RPS6KA6: variants seen among roughly 807,000 people sequenced by gnomAD.
The protein encoded by RPS6KA6 is ribosomal protein S6 kinase A6, also known as ribosomal protein S6 kinase alpha-6.
Under a neutral mutation model 65.4 loss-of-function variants are expected in RPS6KA6, and 27 were observed. That is an observed-to-expected ratio of 0.41 (90% CI 0.30 to 0.57). The LOEUF (loss-of-function observed/expected upper bound fraction) is 0.57, where lower values mean the gene tolerates loss of function less well. Among genes scored for constraint, RPS6KA6 ranks in the 20% least tolerant of loss-of-function variants. The probability of loss-of-function intolerance (pLI) is 0.24; values close to 1 mark genes in which losing one functional copy is unlikely to be tolerated. For missense variants in RPS6KA6, 486 were observed against 555.6 expected, an observed-to-expected ratio of 0.87 and a Z score of 1.26; for synonymous variants, 190 against 184.2, an observed-to-expected ratio of 1.03 and a Z score of -0.26.
intron 20 of RPS6KA6, among the ~76,000 whole-genome samples, chrX:84,075,692 G>A (rs996530773): frequency 1.2e-4 from 13 of 110,090 alleles, no homozygotes; most frequent in Non-Finnish European, 2.5e-4. Context: ...CAGATTTCCT[G>A]TCAGAAAAAA....
intron 1 of RPS6KA6, among the ~76,000 whole-genome samples, chrX:84,185,431 C>T (rs1317567166): frequency 1.8e-5 from 2 of 111,672 alleles, no homozygotes; most frequent in Non-Finnish European, 3.8e-5. Context: ...TTATACCTCG[C>T]TATTATGTAC....
At chrX:84,162,166 A>T (rs1444916816) in intron 2 of RPS6KA6, among the ~76,000 whole-genome samples, 1 of 110,502 alleles carries the variant, frequency 9.0e-6, no homozygotes, top group Non-Finnish European at 1.9e-5. Context: ...TTTATCAGCA[A>T]CCTGTTACCT....
intron 18 of RPS6KA6, among the ~76,000 whole-genome samples, chrX:84,099,347 C>A (rs568221968): frequency 9.0e-6 from 1 of 111,032 alleles, no homozygotes; most frequent in South Asian, 3.7e-4. Flanking sequence ...CAAGGCAGAG[C>A]GGTAGGATGA....
In RPS6KA6 at chrX:84,156,211, C is replaced by CT; in HGVS notation, c.142-21_142-20insA. On this transcript the variant is annotated intron_variant, in intron 2 of 21. Coordinates refer to ENST00000262752, the MANE Select transcript of RPS6KA6 (RefSeq NM_014496.5). ...TTCATCCTGTAAAAAGAAATCCAAA[C>CT]AATACTTGAATCCATTTTCAACATC... 1 of 867,113 alleles carries CT rather than the reference C, an allele frequency of 1.2e-6. No homozygotes were observed. The highest frequency in any genetic ancestry group is 1.7e-6 in the Non-Finnish European group (1 of 588,540). 71.5% of individuals were successfully genotyped at this position (867,113 alleles called of 1,213,427 possible).
At chrX:84,167,206 C>T (rs2035610867) in intron 1 of RPS6KA6, among the ~76,000 whole-genome samples, 1 of 111,879 alleles carries the variant, frequency 8.9e-6, no homozygotes, top group Non-Finnish European at 1.9e-5. Flanking sequence ...AAACAGAGAA[C>T]ATTAACCCGA....
At chrX:84,105,752 T>C (rs1442798088) in intron 16 of RPS6KA6, 35 bp downstream of exon 16, 2 of 808,446 alleles carry the variant, frequency 2.5e-6, no homozygotes, top group Non-Finnish European at 3.6e-6. Flanking sequence ...ATAACTTCAT[T>C]AGCTTAGCTG....
chrX:84,151,213 GAT>G (rs1195803974), intron 3 of RPS6KA6, among the ~76,000 whole-genome samples: 1 of 88,817 alleles, frequency 1.1e-5, no homozygotes, highest in South Asian at 4.9e-4. Context: ...AGATATATAG[GAT>G]ATATATAGAT....
chrX:84,116,882 C>T (rs747217282), intron 11 of RPS6KA6, among the ~76,000 whole-genome samples, 178 bp downstream of exon 11: 1 of 111,739 alleles, frequency 8.9e-6, no homozygotes, highest in Non-Finnish European at 1.9e-5. Context: ...ATTAACTAGA[C>T]TACTTCAGTT....
In RPS6KA6 at chrX:84,134,776, G is replaced by C. The variant is rs377223179; in HGVS notation, c.646+6C>G. 3 of 1,106,837 alleles carry C rather than the reference G, an allele frequency of 2.7e-6. No individual in the cohort carries two copies. In the African/African-American group the frequency reaches 5.6e-5, roughly 21 times the overall value. The allele number at this position is 1,106,837 out of a possible 1,213,427, so 91.2% of individuals were successfully genotyped here. On this transcript the variant is annotated splice_donor_region_variant and intron_variant, in intron 8 of 21. Coordinates refer to ENST00000262752, the MANE Select transcript of RPS6KA6 (RefSeq NM_014496.5). ...GGCTAAGGGTATAATAAGAAAATCT[G>C]CATACCTGTTAATTTGATATGTCCT...
At chrX:84,090,284 T>C (rs1184427100) in intron 20 of RPS6KA6, among the ~76,000 whole-genome samples, 2 of 112,396 alleles carry the variant, frequency 1.8e-5, no homozygotes, top group Admixed American at 9.5e-5. Context: ...GGTTGATTTC[T>C]GATTATTGCA....
chrX:84,147,212 A>G (rs184066514), intron 4 of RPS6KA6, among the ~76,000 whole-genome samples, 154 bp from the exon 5 acceptor site: 8 of 112,412 alleles, frequency 7.1e-5, no homozygotes, highest in African/African-American at 1.9e-4. Context: ...TAATGACCAT[A>G]TTCTCAGAAA....
At chrX:84,116,876 A>C in intron 11 of RPS6KA6, among the ~76,000 whole-genome samples, 184 bp downstream of exon 11, 1 of 112,078 alleles carries the variant, frequency 8.9e-6, no homozygotes, top group Non-Finnish European at 1.9e-5. Flanking sequence ...GCTTTCATTA[A>C]CTAGACTACT....
Position 84,082,817 on chromosome X carries a change from G to T in RPS6KA6, c.1971+13377C>A, listed in dbSNP as rs767019703. 6.3e-5 allele frequency among the ~76,000 whole-genome samples: 7 copies of T among 111,355 alleles called. No homozygotes were observed. The East Asian group carries it at 2.0e-3, about 32-fold the overall frequency. On this transcript the variant is annotated intron_variant, in intron 20 of 21. Transcript: ENST00000262752. ...ACACATCTACGACCATCTGGTTTTTGACAATCCTGACAAGAACAAGCAAAG... is the reference window on the plus strand; with the variant it reads ...ACACATCTACGACCATCTGGTTTTTTACAATCCTGACAAGAACAAGCAAAG...
At chrX:84,125,455 C>A (rs1339084389) in intron 8 of RPS6KA6, among the ~76,000 whole-genome samples, 1 of 111,423 alleles carries the variant, frequency 9.0e-6, no homozygotes, top group African/African-American at 3.3e-5. Context: ...TTTGTTTGGA[C>A]AATCAGTGTT....
intron 20 of RPS6KA6, among the ~76,000 whole-genome samples, chrX:84,074,669 C>A (rs1012624841): frequency 9.0e-6 from 1 of 111,158 alleles, no homozygotes; most frequent in African/African-American, 3.3e-5. Flanking sequence ...AAAAATAAAT[C>A]TTAAGAAAAA....
At chrX:84,179,717 CAGA>C (rs765212841) in intron 1 of RPS6KA6, among the ~76,000 whole-genome samples, 49 of 111,357 alleles carry the variant, frequency 4.4e-4, no homozygotes, top group Non-Finnish European at 7.6e-5. Context: ...ATGATTGTGC[CAGA>C]AGGTCTAGAG....
intron 20 of RPS6KA6, among the ~76,000 whole-genome samples, chrX:84,083,504 G>A (rs6622908): frequency 3.6e-5 from 4 of 112,068 alleles, no homozygotes; most frequent in Non-Finnish European, 7.5e-5. Flanking sequence ...TCCTGAGTTA[G>A]TTTGCTAAAA....
At chrX:84,093,484 G>A (rs2034089514) in intron 20 of RPS6KA6, among the ~76,000 whole-genome samples, 1 of 111,759 alleles carries the variant, frequency 8.9e-6, no homozygotes, top group African/African-American at 3.3e-5. Context: ...CCATAAAAAG[G>A]GATTATCTAA....
chrX:84,119,228 A>C (rs2147471151), intron 9 of RPS6KA6, among the ~76,000 whole-genome samples: 1 of 112,032 alleles, frequency 8.9e-6, no homozygotes, highest in African/African-American at 3.2e-5. Flanking sequence ...TGTCAGGCTT[A>C]TAAGAGACAC....
Sources: allele counts gnomAD v4.1 joint callset (sites outside exome capture counted in the v4.1 genomes callset), GRCh38; gene constraint gnomAD v4.1.1; transcripts MANE v1.5; gene names NCBI Gene and HGNC (gene_info 2026-07-23, HGNC 2026-07-21).